The following EPHA5 variants were observed in gnomAD, a reference collection of about 807,000 sequenced individuals.
The protein encoded by EPHA5 is ephrin type-A receptor 5.
A neutral mutation model predicts 105.0 loss-of-function variants in EPHA5; 60 were observed. That is an observed-to-expected ratio of 0.57 (90% CI 0.46 to 0.71). The LOEUF is 0.71. Among genes scored for constraint, EPHA5 ranks in the 30% least tolerant of loss-of-function variants. EPHA5 has a pLI of 0.00. For missense variants in EPHA5, 1,218 were observed against 1,274.7 expected (o/e 0.96, Z 0.68); for synonymous variants, 513 against 449.1 (o/e 1.14, Z -1.80).
chr4:65,408,803 C>G lies in EPHA5; in HGVS notation c.1688-4324G>C, dbSNP rs529648848. Among the ~76,000 whole-genome samples the G allele has an allele frequency of 1.9e-3, 284 of 151,554 alleles. 6 individuals are homozygous for G. The East Asian group carries it at 0.033, about 18-fold the overall frequency. On this transcript the variant is annotated intron_variant, in intron 7 of 16. Coordinates refer to ENST00000613740, the MANE Select transcript of EPHA5 (RefSeq NM_001281766.3). ...GTGGCGATTCCTCAGGGATCTAGAA[C>G]TAGAAATACCATTTGACCCAGCCAT...
At chr4:65,477,159 G>A (rs541263250) in intron 5 of EPHA5, among the ~76,000 whole-genome samples, 1 of 152,252 alleles carries the variant, frequency 6.6e-6, no homozygotes, top group Non-Finnish European at 1.5e-5. Flanking sequence ...ACCTTAGAAA[G>A]CCATGTTCAA....
At chr4:65,486,239 T>A (rs1730866783) in intron 5 of EPHA5, among the ~76,000 whole-genome samples, 2 of 152,244 alleles carry the variant, frequency 1.3e-5, no homozygotes, top group Admixed American at 1.3e-4. Context: ...TCATTGTTCT[T>A]TGAGATCATT....
At position 65,601,901 on chromosome 4, in the gene EPHA5, A is replaced by G. The variant is rs2149438937; in HGVS notation, c.650T>C (p.Val217Ala). 6.2e-7 allele frequency: 1 copy of G among 1,614,172 alleles called. No individual in the cohort carries two copies. The highest frequency in any genetic ancestry group is 8.5e-7 in the Non-Finnish European group (1 of 1,180,020). Reference protein sequence around the residue: ...KKGFYLAFQDVGACIALVSVR... With the variant: ...KKGFYLAFQDAGACIALVSVR... Reference sequence around the variant, plus strand: ...AGAAACCAGAGCAATGCAAGCACCAACATCTTGAAAAGCAAGATAAAATCC... The same window carrying G: ...AGAAACCAGAGCAATGCAAGCACCAGCATCTTGAAAAGCAAGATAAAATCC... The change falls in exon 3 of 17, where the codon GTT (valine) becomes GCT (alanine). Residue 217 changes from valine (V) to alanine (A), a missense_variant. By Grantham distance (64) the Val-to-Ala change is moderately conservative (BLOSUM62 0). This residue lies in a region of EPHA5 where 971 missense variants were observed against 1,013.5 expected (regional missense o/e 0.96). Transcript: ENST00000613740.
intron 3 of EPHA5, chr4:65,574,179 T>C: frequency 1.9e-6 from 3 of 1,605,674 alleles, no homozygotes; most frequent in Non-Finnish European, 2.6e-6. Flanking sequence ...AAAAGGGAAA[T>C]ATGAGATTAC....
At chr4:65,395,121 A>G (rs747944307) in intron 8 of EPHA5, among the ~76,000 whole-genome samples, 4 of 152,312 alleles carry the variant, frequency 2.6e-5, no homozygotes, top group Non-Finnish European at 4.4e-5. Context: ...TTTGACTAAC[A>G]TAAGAACTGT....
intron 1 of EPHA5, among the ~76,000 whole-genome samples, chr4:65,655,562 T>C (rs1357475088): frequency 6.6e-6 from 1 of 152,140 alleles, no homozygotes; most frequent in African/African-American, 2.4e-5. Flanking sequence ...AATCTTTATA[T>C]TGATATAATT....
chr4:65,390,581 G>A (rs889428441), intron 8 of EPHA5, among the ~76,000 whole-genome samples: 29 of 152,086 alleles, frequency 1.9e-4, no homozygotes, highest in African/African-American at 5.5e-4. Flanking sequence ...GATGAACACA[G>A]GGCAAGAACT....
chr4:65,394,500 G>A (rs1215496529), intron 8 of EPHA5, among the ~76,000 whole-genome samples: 2 of 152,212 alleles, frequency 1.3e-5, no homozygotes, highest in Non-Finnish European at 2.9e-5. Context: ...TTCTCTAGTA[G>A]GACAGACAGA....
intron 3 of EPHA5, among the ~76,000 whole-genome samples, chr4:65,580,400 T>C (rs1290666487): frequency 1.3e-5 from 2 of 151,798 alleles, no homozygotes; most frequent in Non-Finnish European, 3.0e-5. Context: ...TGACATTACA[T>C]GGGAAATTTT....
rs1195932829 is a variant in EPHA5 at position 65,404,355 on chromosome 4, T to C, written c.1793+19A>G. On this transcript the variant is annotated intron_variant, in intron 8 of 16. Coordinates refer to ENST00000613740, the MANE Select transcript of EPHA5 (RefSeq NM_001281766.3). ...AGAGATCAGCTGCAGAACTTCAGAA[T>C]CACAGCTTCCTCTCTTACCTTCCAC... 1 of 1,604,980 alleles carries C rather than the reference T, an allele frequency of 6.2e-7. No individual in the cohort carries two copies. Among genetic ancestry groups the C allele is most frequent in the African/African-American group, 1.3e-5 (1 of 74,702 alleles).
chr4:65,340,584 T>G (rs1298323275), intron 14 of EPHA5, among the ~76,000 whole-genome samples: 1 of 151,902 alleles, frequency 6.6e-6, no homozygotes, highest in African/African-American at 2.4e-5. Flanking sequence ...TCAGAGTGGA[T>G]AGTGGAGGAG....
At chr4:65,545,678 T>C (rs544408215) in intron 3 of EPHA5, among the ~76,000 whole-genome samples, 1 of 152,036 alleles carries the variant, frequency 6.6e-6, no homozygotes, top group East Asian at 1.9e-4. Context: ...AAGAGCAAAA[T>C]ATTTTGAACA....
chr4:65,329,750 G>T (rs1046040589), intron 16 of EPHA5, among the ~76,000 whole-genome samples: 6 of 150,608 alleles, frequency 4.0e-5, no homozygotes, highest in Non-Finnish European at 8.9e-5. Flanking sequence ...TTGAGAGCTG[G>T]CCTATTTCTT....
At chr4:65,417,226 C>T (rs1723471813) in intron 6 of EPHA5, among the ~76,000 whole-genome samples, 1 of 152,220 alleles carries the variant, frequency 6.6e-6, no homozygotes, top group South Asian at 2.1e-4. Flanking sequence ...GCAGAAATGC[C>T]AGCTGGCAAA....
At chr4:65,519,610 T>C (rs1224301938) in intron 3 of EPHA5, among the ~76,000 whole-genome samples, 1 of 152,156 alleles carries the variant, frequency 6.6e-6, no homozygotes, top group African/African-American at 2.4e-5. Context: ...GATGACATGT[T>C]TGTATATTTA....
chr4:65,393,538 C>T (rs761369228), intron 8 of EPHA5, among the ~76,000 whole-genome samples: 20 of 152,290 alleles, frequency 1.3e-4, no homozygotes, highest in Middle Eastern at 3.4e-3. Context: ...TTCTTCCACC[C>T]TACTTTTCAA....
At chr4:65,483,534 G>A (rs946626045) in intron 5 of EPHA5, among the ~76,000 whole-genome samples, 26 of 152,012 alleles carry the variant, frequency 1.7e-4, no homozygotes, top group African/African-American at 5.3e-4. Context: ...TGTTAAATAC[G>A]TTAGGGAGGG....
At chr4:65,337,596 G>A (rs971941036) in intron 14 of EPHA5, among the ~76,000 whole-genome samples, 4 of 151,924 alleles carry the variant, frequency 2.6e-5, no homozygotes, top group Admixed American at 6.6e-5. Flanking sequence ...CACATTTGAT[G>A]GTAATTTCTG....
At chr4:65,327,967 C>T (rs1720240334) in intron 16 of EPHA5, among the ~76,000 whole-genome samples, 1 of 150,960 alleles carries the variant, frequency 6.6e-6, no homozygotes, top group Non-Finnish European at 1.5e-5. Flanking sequence ...GATATTGCTG[C>T]CCTATGTACA....
Sources: allele counts gnomAD v4.1 joint callset (sites outside exome capture counted in the v4.1 genomes callset), GRCh38; gene constraint gnomAD v4.1.1; regional missense constraint gnomAD v4.1.1; transcripts MANE v1.5; gene names NCBI Gene and HGNC (gene_info 2026-07-23, HGNC 2026-07-21).